ULK4: variants seen among roughly 807,000 people sequenced by gnomAD.
The protein encoded by ULK4 is inactive serine/threonine-protein kinase ULK4.
Under a neutral mutation model 160.6 loss-of-function variants are expected in ULK4, and 133 were observed. That is an observed-to-expected ratio of 0.83 (90% CI 0.72 to 0.96). ULK4 has a LOEUF of 0.96. Among genes scored for constraint, ULK4 ranks in the 40% least tolerant of loss-of-function variants. ULK4 has a pLI of 0.00. For synonymous variants in ULK4, 534 were observed against 539.8 expected, an observed-to-expected ratio of 0.99 and a Z score of 0.15; for missense variants, 1,580 against 1,499.5, an observed-to-expected ratio of 1.05 and a Z score of -0.89.
chr3:41,762,807 T>C (rs372541412), intron 21 of ULK4, among the ~76,000 whole-genome samples: 4 of 151,916 alleles, frequency 2.6e-5, no homozygotes, highest in South Asian at 4.2e-4. Context: ...GGACTACAGG[T>C]GCCCACAACC....
intron 30 of ULK4, among the ~76,000 whole-genome samples, chr3:41,650,361 G>A (rs541984350): frequency 1.3e-5 from 2 of 152,306 alleles, no homozygotes; most frequent in South Asian, 2.1e-4. Context: ...AGCCCATCAA[G>A]GAGCCCAGAC....
In ULK4 at chr3:41,441,968, T is replaced by C. The variant is rs184229083; in HGVS notation, c.3492+13529A>G. Among the ~76,000 whole-genome samples the C allele has an allele frequency of 7.5e-4, 114 of 152,338 alleles. 2 individuals carry two copies. The East Asian group carries it at 0.014, about 19-fold the overall frequency. ...GCTCTGAAATCTACTTTGTCTAATA[T>C]TTTAAAATAGCCACTCCAGCTTTCT... On this transcript the variant is annotated intron_variant, in intron 34 of 36. Coordinates refer to ENST00000301831, the MANE Select transcript of ULK4 (RefSeq NM_017886.4).
At chr3:41,279,263 A>AAAC (rs377247633) in intron 35 of ULK4, among the ~76,000 whole-genome samples, 5 of 114,654 alleles carry the variant, frequency 4.4e-5, no homozygotes, top group South Asian at 2.8e-4. Flanking sequence ...AGTAAAAAAA[A>AAAC]AAAAAAAAAA....
intron 33 of ULK4, among the ~76,000 whole-genome samples, chr3:41,459,773 T>A (rs748307398): frequency 2.0e-5 from 3 of 152,086 alleles, no homozygotes; most frequent in Non-Finnish European, 4.4e-5. Context: ...AAGCACAGCA[T>A]CCACTTACAA....
intron 17 of ULK4, chr3:41,859,719 A>C (rs567104500): frequency 5.7e-6 from 2 of 353,800 alleles, no homozygotes; most frequent in East Asian, 1.5e-4. Flanking sequence ...GTGCAGTGGC[A>C]CAATCTCAGC....
chr3:41,492,879 T>A (rs2084838801), intron 32 of ULK4, among the ~76,000 whole-genome samples: 1 of 142,374 alleles, frequency 7.0e-6, no homozygotes, highest in African/African-American at 2.6e-5. Context: ...AAGAGCTAAC[T>A]ATCCTAAATA....
rs990774371 is a variant in ULK4, at chr3:41,508,864, C to T, written c.3227-45611G>A. On this transcript the variant is annotated intron_variant, in intron 32 of 36. Coordinates refer to ENST00000301831, the MANE Select transcript of ULK4 (RefSeq NM_017886.4). ...CATCTTGCCTCTGACATAGTCTACC[C>T]GAATGAGAAGGAACCAGAAAAACAA... 7.2e-5 allele frequency among the ~76,000 whole-genome samples: 11 copies of T among 152,060 alleles called. 1 individual carries two copies. In the Middle Eastern group the frequency reaches 0.014, roughly 188 times the overall value.
chr3:41,398,683 C>T (rs934360676), intron 34 of ULK4, among the ~76,000 whole-genome samples: 24 of 151,732 alleles, frequency 1.6e-4, no homozygotes, highest in African/African-American at 3.9e-4. Context: ...TGAGCCACTG[C>T]GCCTGGCCTA....
intron 32 of ULK4, among the ~76,000 whole-genome samples, chr3:41,546,425 G>A (rs1691954): frequency 0.42 from 63,607 of 151,908 alleles, 14,781 homozygotes; most frequent in Non-Finnish European, 0.51. Context: ...CTTTACTCAG[G>A]TGCATAGCAA....
intron 35 of ULK4, among the ~76,000 whole-genome samples, chr3:41,375,275 A>G (rs1053487902): frequency 3.3e-5 from 5 of 152,184 alleles, no homozygotes; most frequent in African/African-American, 1.2e-4. Context: ...GAGAATAGGA[A>G]AAACTACTTT....
At chr3:41,929,836 G>C (rs1481636139) in intron 5 of ULK4, among the ~76,000 whole-genome samples, 1 of 152,078 alleles carries the variant, frequency 6.6e-6, no homozygotes, top group Non-Finnish European at 1.5e-5. Flanking sequence ...AGAAATAAGA[G>C]AGGACACAAA....
At chr3:41,357,863 T>C (rs933917901) in intron 35 of ULK4, among the ~76,000 whole-genome samples, 1 of 152,316 alleles carries the variant, frequency 6.6e-6, no homozygotes, top group African/African-American at 2.4e-5. Flanking sequence ...CAACTAACAC[T>C]TAGCATCTAT....
At chr3:41,764,178 C>A (rs9854838) in intron 21 of ULK4, among the ~76,000 whole-genome samples, 48,104 of 152,012 alleles carry the variant, frequency 0.32, 11,176 homozygotes, top group African/African-American at 0.66. Flanking sequence ...TAATCTTACA[C>A]GTGATTTAGC....
chr3:41,693,611 C>A (rs2125810754), intron 27 of ULK4, among the ~76,000 whole-genome samples: 1 of 152,058 alleles, frequency 6.6e-6, no homozygotes, highest in East Asian at 1.9e-4. Flanking sequence ...AAACACATGC[C>A]CACTCTACAG....
chr3:41,418,943 T>C (rs768860947), intron 34 of ULK4, among the ~76,000 whole-genome samples: 1 of 152,160 alleles, frequency 6.6e-6, no homozygotes, highest in Non-Finnish European at 1.5e-5. Flanking sequence ...CTTTGAGAAG[T>C]GTTCTTTGGA....
chr3:41,542,223 T>G (rs6789175), intron 32 of ULK4, among the ~76,000 whole-genome samples: 1 of 152,020 alleles, frequency 6.6e-6, no homozygotes, highest in Admixed American at 6.6e-5. Flanking sequence ...GTTTTTAGCA[T>G]GAAGGGCTGT....
chr3:41,844,270 G>A (rs1476524419), intron 17 of ULK4, among the ~76,000 whole-genome samples: 3 of 152,118 alleles, frequency 2.0e-5, no homozygotes, highest in Non-Finnish European at 4.4e-5. Context: ...CGGAGGGGGT[G>A]GGAGGCTCAG....
At chr3:41,592,712 T>C (rs2031435869) in intron 31 of ULK4, among the ~76,000 whole-genome samples, 1 of 152,214 alleles carries the variant, frequency 6.6e-6, no homozygotes, top group African/African-American at 2.4e-5. Context: ...TGAGAATTAA[T>C]GTGTTTTATT....
intron 19 of ULK4, among the ~76,000 whole-genome samples, chr3:41,817,857 A>G (rs997989044): frequency 6.6e-6 from 1 of 152,210 alleles, no homozygotes; most frequent in Middle Eastern, 3.2e-3. Context: ...AAAATGGACA[A>G]AAGATCTGAA....
Sources: gnomAD v4.1 joint callset for allele counts (sites outside exome capture counted in the v4.1 genomes callset) on GRCh38, gnomAD v4.1.1 for gene constraint, MANE v1.5 for transcripts, NCBI Gene and HGNC (gene_info 2026-07-23, HGNC 2026-07-21) for gene names.